The following CD84 variants were observed in gnomAD, a reference collection of about 807,000 sequenced individuals.
CD84 encodes the protein SLAM family member 5.
In CD84, 22 loss-of-function variants were observed where a neutral mutation model predicts 33.8. The ratio of observed to expected loss-of-function variants is 0.65; its 90% CI spans 0.46 to 0.93. The LOEUF is 0.93. CD84 is among the 40% of genes least tolerant of loss of function. The pLI is 0.00. For missense variants in CD84, 400 were observed against 397.6 expected (o/e 1.01, Z -0.05); for synonymous variants, 154 against 145.2 (o/e 1.06, Z -0.44).
In CD84 at chr1:160,564,110, AC is replaced by A. The variant is rs1377831215; in HGVS notation, c.388+1293del. Among the ~76,000 whole-genome samples the A allele has an allele frequency of 2.0e-5, 3 of 152,310 alleles. No individual in the cohort carries two copies. The East Asian group carries it at 5.8e-4, about 29-fold the overall frequency. ...GACCACACTTGGGGTAGCTTGCAAA[AC>A]AAAGCACGCACATCTCCCAGTGAAT... On this transcript the variant is annotated intron_variant, in intron 2 of 6. Transcript: ENST00000368054.
intron 1 of CD84, among the ~76,000 whole-genome samples, chr1:160,578,460 C>A (rs1002733445): frequency 1.3e-5 from 2 of 152,096 alleles, no homozygotes; most frequent in Non-Finnish European, 2.9e-5. Context: ...GCCAAAGAAA[C>A]CAGAGAGATC....
rs1223605113 is a variant in CD84, at chr1:160,565,749, A to G, written c.47-4T>C. 1.1e-5 allele frequency: 18 copies of G among 1,575,400 alleles called. No individual in the cohort carries two copies. The highest frequency in any genetic ancestry group is 1.5e-5 in the Non-Finnish European group (18 of 1,163,364). On this transcript the variant is annotated splice_polypyrimidine_tract_variant and splice_region_variant and intron_variant, in intron 1 of 6. Transcript: ENST00000368054. ...TCTTTTCCAGCTGCTTCCGGCCCTG[A>G]GAACATAAAAAGAAAACTGTAGCCA...
intron 1 of CD84, 100 bp from the exon 2 acceptor site, chr1:160,565,845 G>T (rs1657292472): frequency 2.1e-6 from 2 of 972,002 alleles, no homozygotes; most frequent in African/African-American, 1.7e-5. Context: ...TGCCACAAAT[G>T]CAGTTCACCC....
At chr1:160,555,963 A>C (rs892320979) in intron 2 of CD84, among the ~76,000 whole-genome samples, 1 of 152,246 alleles carries the variant, frequency 6.6e-6, no homozygotes, top group African/African-American at 2.4e-5. Context: ...GAATAAACCC[A>C]AAACAAGTTT....
At chr1:160,567,555 A>G (rs1383953308) in intron 1 of CD84, among the ~76,000 whole-genome samples, 1 of 152,198 alleles carries the variant, frequency 6.6e-6, no homozygotes, top group Non-Finnish European at 1.5e-5. Context: ...TATGTGTCAG[A>G]TGCTGTGTTA....
Position 160,542,187 on chromosome 1 carries a change from C to T in CD84, c.*6069G>A, listed in dbSNP as rs549623689. ...TGTGATTCAGCCTTAAAGACTTCAC[C>T]TTTCTGTGACCCAGTTTCCTACTTT... On this transcript the variant is annotated 3_prime_UTR_variant, in exon 7 of 7. Transcript: ENST00000368054. 3.3e-5 allele frequency: 5 copies of T among 152,330 alleles called. No homozygotes were observed. The highest frequency in any genetic ancestry group is 1.9e-4 in the East Asian group (1 of 5,182). The allele number at this position is 152,330 out of a possible 1,614,324, so 9.4% of individuals were successfully genotyped here.
At chr1:160,559,668 A>G (rs916982655) in intron 2 of CD84, among the ~76,000 whole-genome samples, 3 of 152,280 alleles carry the variant, frequency 2.0e-5, no homozygotes. Context: ...AATGCCCCCA[A>G]TTTAAAAAAT....
At chr1:160,551,170 A>G in intron 4 of CD84, 135 bp from the exon 5 acceptor site, 2 of 706,312 alleles carry the variant, frequency 2.8e-6, no homozygotes, top group Admixed American at 2.4e-5. Flanking sequence ...TTTGAAATGG[A>G]TGCTTGGATC....
At chr1:160,571,632 A>C (rs1038066396) in intron 1 of CD84, among the ~76,000 whole-genome samples, 14 of 152,112 alleles carry the variant, frequency 9.2e-5, no homozygotes, top group African/African-American at 3.4e-4. Flanking sequence ...AGGTGAAACT[A>C]ATTTATTTTT....
chr1:160,542,157 G>A lies in CD84; in HGVS notation c.*6099C>T, dbSNP rs1177066264. On this transcript the variant is annotated 3_prime_UTR_variant, in exon 7 of 7. Transcript: ENST00000368054. The stretch of plus-strand genomic sequence containing the variant: ...CTGGCTTTTCTATTTACTAGGATGA[G>A]CTACTGTGATTCAGCCTTAAAGACT... 6.6e-6 allele frequency: 1 copy of A among 152,198 alleles called. No individual in the cohort carries two copies. Among genetic ancestry groups the A allele is most frequent in the Non-Finnish European group, 1.5e-5 (1 of 68,038 alleles). 9.4% of individuals were successfully genotyped at this position (152,198 alleles called of 1,614,324 possible).
chr1:160,566,046 C>A (rs1657305866), intron 1 of CD84, among the ~76,000 whole-genome samples: 1 of 152,166 alleles, frequency 6.6e-6, no homozygotes, highest in Non-Finnish European at 1.5e-5. Flanking sequence ...GAGGTGAAGG[C>A]CATAAGCCTC....
intron 1 of CD84, among the ~76,000 whole-genome samples, chr1:160,576,601 G>C (rs1658003603): frequency 6.6e-6 from 1 of 152,150 alleles, no homozygotes; most frequent in Non-Finnish European, 1.5e-5. Context: ...TAATAGTAGG[G>C]AGAGTAATTT....
chr1:160,542,308 A>G lies in CD84; in HGVS notation c.*5948T>C, dbSNP rs1475759625. The G allele has an allele frequency of 6.6e-6, 1 of 152,250 alleles. No individual in the cohort carries two copies. The highest frequency in any genetic ancestry group is 1.5e-5 in the Non-Finnish European group (1 of 68,044). The allele number at this position is 152,250 out of a possible 1,614,324, so 9.4% of individuals were successfully genotyped here. A position where few individuals can be genotyped will look rare whatever the true frequency, so the allele number is the denominator to read the frequency against. ...GAGTAAATGTAAAACAGGACAGGGA[A>G]TAGTACATAGTAGGCACTGGATAAA... On this transcript the variant is annotated 3_prime_UTR_variant, in exon 7 of 7. Coordinates refer to ENST00000368054, the MANE Select transcript of CD84 (RefSeq NM_003874.4).
At chr1:160,577,502 T>A (rs1037506017) in intron 1 of CD84, among the ~76,000 whole-genome samples, 1 of 152,188 alleles carries the variant, frequency 6.6e-6, no homozygotes, top group Non-Finnish European at 1.5e-5. Flanking sequence ...GGATCCTTGA[T>A]GAAATGAATA....
intron 4 of CD84, among the ~76,000 whole-genome samples, chr1:160,552,351 T>C (rs1656288606): frequency 6.6e-6 from 1 of 152,072 alleles, no homozygotes; most frequent in Non-Finnish European, 1.5e-5. Flanking sequence ...ACAAATCCCC[T>C]CCCCCCTAGA....
At chr1:160,575,950 C>T (rs1449635286) in intron 1 of CD84, among the ~76,000 whole-genome samples, 2 of 152,176 alleles carry the variant, frequency 1.3e-5, no homozygotes. Context: ...CAGCTTTCCA[C>T]CCTCTGTTTG....
At chr1:160,567,442 T>C (rs1204159089) in intron 1 of CD84, among the ~76,000 whole-genome samples, 7 of 151,928 alleles carry the variant, frequency 4.6e-5, no homozygotes, top group Non-Finnish European at 1.5e-5. Context: ...TAGTTGGGGG[T>C]TGGCTAAGTA....
At position 160,552,670 on chromosome 1, in the gene CD84, T is replaced by C. The variant is rs115373867; in HGVS notation, c.760+708A>G. 4.5e-4 allele frequency: 675 copies of C among 1,484,874 alleles called. 3 individuals carry two copies. The African/African-American group carries it at 8.1e-3, about 18-fold the overall frequency. The allele number at this position is 1,484,874 out of a possible 1,614,324, so 92.0% of individuals were successfully genotyped here. ...GTTGGGAACTCCCCATCCCTCCCAATTGTTATTCAAGGAACTTTGTGGCTG... is the reference window on the plus strand; with the variant it reads ...GTTGGGAACTCCCCATCCCTCCCAACTGTTATTCAAGGAACTTTGTGGCTG... On this transcript the variant is annotated intron_variant, in intron 4 of 6. Coordinates refer to ENST00000368054, the MANE Select transcript of CD84 (RefSeq NM_003874.4).
chr1:160,563,860 A>G (rs1014472860), intron 2 of CD84, among the ~76,000 whole-genome samples: 3 of 152,178 alleles, frequency 2.0e-5, no homozygotes, highest in African/African-American at 7.2e-5. Context: ...ATTTGGACTC[A>G]CCACATTTCA....
Sources: allele counts gnomAD v4.1 joint callset (sites outside exome capture counted in the v4.1 genomes callset), GRCh38; gene constraint gnomAD v4.1.1; transcripts MANE v1.5; gene names NCBI Gene and HGNC (gene_info 2026-07-23, HGNC 2026-07-21).